Variants in TENM3 observed in about 807,000 individuals in gnomAD.
TENM3 encodes the protein teneurin-3.
Under a neutral mutation model 255.1 loss-of-function variants are expected in TENM3, and 63 were observed. The observed-to-expected ratio is 0.25, with a 90% CI of 0.20 to 0.30. The LOEUF (loss-of-function observed/expected upper bound fraction) is 0.30. TENM3 is among the 10% of genes least tolerant of loss of function. TENM3 has a pLI of 1.00. For missense variants in TENM3, 2,929 were observed against 3,461.1 expected, an observed-to-expected ratio of 0.85 and a Z score of 3.86; for synonymous variants, 1,306 against 1,322.3, an observed-to-expected ratio of 0.99 and a Z score of 0.27.
intron 1 of TENM3, among the ~76,000 whole-genome samples, chr4:182,265,045 A>G (rs2150185267): frequency 6.6e-6 from 1 of 152,048 alleles, no homozygotes; most frequent in African/African-American, 2.4e-5. Flanking sequence ...CTTGAGAAAA[A>G]CAGAGGAGGC....
intron 3 of TENM3, among the ~76,000 whole-genome samples, chr4:182,497,847 C>CATATATATATATATATATGTATATAT (rs1735929208): frequency 7.4e-6 from 1 of 135,640 alleles, no homozygotes; most frequent in African/African-American, 3.3e-5. Flanking sequence ...ACTAAAAATA[C>CATATATATATATATATATGTATATAT]ATATATATAT....
chr4:182,672,089 T>A (rs1237884874), intron 6 of TENM3, among the ~76,000 whole-genome samples: 1 of 152,156 alleles, frequency 6.6e-6, no homozygotes, highest in Non-Finnish European at 1.5e-5. Context: ...ATATTTCCAC[T>A]CACGGCAAAT....
At chr4:182,691,142 C>T (rs2152594262) in intron 12 of TENM3, among the ~76,000 whole-genome samples, 1 of 152,340 alleles carries the variant, frequency 6.6e-6, no homozygotes, top group South Asian at 2.1e-4. Flanking sequence ...CTTAGTGGCC[C>T]TACGGGGCCA....
intron 4 of TENM3, among the ~76,000 whole-genome samples, chr4:182,624,580 T>C (rs561574620): frequency 5.3e-5 from 8 of 152,106 alleles, no homozygotes; most frequent in Non-Finnish European, 1.0e-4. Context: ...TCCCCTCAGG[T>C]TCTCCACCTG....
chr4:181,671,511 G>A, the TENM3 span, among the ~76,000 whole-genome samples: 1 of 152,090 alleles, frequency 6.6e-6, no homozygotes, highest in African/African-American at 2.4e-5. Context: ...ACCTGTCTGA[G>A]TTTCTGTTTT....
chr4:182,194,313 A>C (rs1171627123), intron 1 of TENM3, among the ~76,000 whole-genome samples: 1 of 152,166 alleles, frequency 6.6e-6, no homozygotes, highest in African/African-American at 2.4e-5. Flanking sequence ...GTACCGCTGA[A>C]AATCACTGTG....
chr4:182,562,277 T>C (rs552596134), intron 3 of TENM3, among the ~76,000 whole-genome samples: 1 of 151,992 alleles, frequency 6.6e-6, no homozygotes, highest in East Asian at 1.9e-4. Flanking sequence ...CAAATCAGAG[T>C]TTCTTATTAA....
At chr4:181,777,080 T>G in the TENM3 span, among the ~76,000 whole-genome samples, 1 of 152,162 alleles carries the variant, frequency 6.6e-6, no homozygotes, top group African/African-American at 2.4e-5. Context: ...GTTTAAGTCT[T>G]TAATCCATCT....
chr4:181,818,249 T>C, the TENM3 span, among the ~76,000 whole-genome samples: 1 of 152,174 alleles, frequency 6.6e-6, no homozygotes, highest in African/African-American at 2.4e-5. Flanking sequence ...TTTGTAGATG[T>C]TAATTAAGTC....
the TENM3 span, among the ~76,000 whole-genome samples, chr4:181,634,742 A>C: frequency 3.3e-5 from 5 of 152,188 alleles, no homozygotes; most frequent in Admixed American, 2.0e-4. Context: ...TCCTTAATGA[A>C]TCAAGCTACT....
the TENM3 span, among the ~76,000 whole-genome samples, chr4:181,715,620 T>C: frequency 2.0e-5 from 3 of 152,236 alleles, no homozygotes; most frequent in Admixed American, 6.5e-5. Context: ...TGCTGTTTTA[T>C]CTGTATTGGG....
At chr4:182,664,694 T>C (rs955727234) in intron 6 of TENM3, among the ~76,000 whole-genome samples, 4 of 152,104 alleles carry the variant, frequency 2.6e-5, no homozygotes, top group Non-Finnish European at 5.9e-5. Flanking sequence ...AGTGAGCACA[T>C]GAATGATAGG....
chr4:181,965,487 A>G, the TENM3 span, among the ~76,000 whole-genome samples: 21 of 152,124 alleles, frequency 1.4e-4, no homozygotes, highest in African/African-American at 4.8e-4. Context: ...TCACCTACCA[A>G]TACTTCCAAA....
the TENM3 span, among the ~76,000 whole-genome samples, chr4:181,899,536 G>GTTGTT: frequency 6.6e-6 from 1 of 151,652 alleles, no homozygotes; most frequent in Non-Finnish European, 1.5e-5. Context: ...TTGTTGTTTT[G>GTTGTT]TTGTTTTGTT....
chr4:182,765,050 G>A (rs1004875187), intron 22 of TENM3, among the ~76,000 whole-genome samples: 2 of 152,026 alleles, frequency 1.3e-5, no homozygotes, highest in African/African-American at 4.8e-5. Flanking sequence ...ATACGGGGAA[G>A]AATTGTAGGT....
At chr4:182,046,891 A>G in the TENM3 span, among the ~76,000 whole-genome samples, 14 of 152,150 alleles carry the variant, frequency 9.2e-5, no homozygotes, top group Admixed American at 9.2e-4. Flanking sequence ...GATATCGTCA[A>G]TGTTCTTATA....
At chr4:181,905,917 A>G in the TENM3 span, 1 of 567,908 alleles carries the variant, frequency 1.8e-6, no homozygotes, top group East Asian at 4.7e-5. Flanking sequence ...AGCTCAGCAG[A>G]ATGACATTGC....
intron 3 of TENM3, among the ~76,000 whole-genome samples, chr4:182,373,699 G>A (rs1021138074): frequency 2.0e-5 from 3 of 152,040 alleles, no homozygotes; most frequent in African/African-American, 7.2e-5. Context: ...GATTTAAAGG[G>A]GACAAATATC....
the TENM3 span, among the ~76,000 whole-genome samples, chr4:182,100,648 C>CACATATATAT: frequency 8.3e-5 from 7 of 84,006 alleles, no homozygotes; most frequent in Non-Finnish European, 1.7e-4. Context: ...CATATATATA[C>CACATATATAT]ACATATATAC....
Sources: gnomAD v4.1 joint callset for allele counts (sites outside exome capture counted in the v4.1 genomes callset) on GRCh38, gnomAD v4.1.1 for gene constraint, MANE v1.5 for transcripts, NCBI Gene and HGNC (gene_info 2026-07-23, HGNC 2026-07-21) for gene names.